GARIN5A: variants seen among roughly 807,000 people sequenced by gnomAD.
The protein encoded by GARIN5A is Golgi-associated RAB2 interactor protein 5A.
chr19:50,472,140 ATG>A, the GARIN5A span, among the ~76,000 whole-genome samples: 67 of 140,916 alleles, frequency 4.8e-4, no homozygotes, highest in African/African-American at 1.3e-3. Context: ...GTGTATATGT[ATG>A]TATACGTGTG....
chr19:50,472,818 C>T, the GARIN5A span, among the ~76,000 whole-genome samples: 5 of 151,894 alleles, frequency 3.3e-5, no homozygotes, highest in Admixed American at 3.3e-4. Context: ...ATCGCTTGCG[C>T]CTGCAGAGAA....
At chr19:50,475,893 G>T in the GARIN5A span, 2 of 1,614,044 alleles carry the variant, frequency 1.2e-6, no homozygotes, top group Non-Finnish European at 1.7e-6. Flanking sequence ...CGCCGCTCTG[G>T]AGGTAGCGTT....
the GARIN5A span, among the ~76,000 whole-genome samples, chr19:50,472,010 A>ATACGTGTGTATATGTATATG: frequency 6.7e-6 from 1 of 149,414 alleles, no homozygotes; most frequent in South Asian, 2.1e-4. Context: ...GTATGTATAT[A>ATACGTGTGTATATGTATATG]TACGTGTGTA....
At chr19:50,468,065 A>C in the GARIN5A span, among the ~76,000 whole-genome samples, 10 of 152,196 alleles carry the variant, frequency 6.6e-5, no homozygotes, top group Non-Finnish European at 1.2e-4. Flanking sequence ...TGCCTACTTG[A>C]AATTTCCATC....
the GARIN5A span, among the ~76,000 whole-genome samples, chr19:50,472,180 ATG>A: frequency 2.8e-5 from 4 of 143,968 alleles, no homozygotes; most frequent in South Asian, 2.1e-4. Flanking sequence ...GTGTATATGT[ATG>A]TATACATGTA....
At chr19:50,472,252 C>T in the GARIN5A span, among the ~76,000 whole-genome samples, 2 of 95,760 alleles carry the variant, frequency 2.1e-5, no homozygotes, top group Non-Finnish European at 3.8e-5. Flanking sequence ...ATTATATATA[C>T]ATGTATGTGT....
the GARIN5A span, chr19:50,475,616 T>C: frequency 1.3e-6 from 1 of 748,912 alleles, no homozygotes; most frequent in Non-Finnish European, 2.1e-6. Context: ...AAGAATCATA[T>C]GGGTGTGAAG....
chr19:50,475,296 G>A, the GARIN5A span: 1 of 1,551,864 alleles, frequency 6.4e-7, no homozygotes, highest in Non-Finnish European at 8.7e-7. Context: ...GAGGGAGGAA[G>A]GGGTCTCGGC....
the GARIN5A span, chr19:50,467,730 C>G: frequency 6.2e-7 from 1 of 1,605,744 alleles, no homozygotes; most frequent in Non-Finnish European, 8.5e-7. Context: ...GTGGGGCCCG[C>G]AGCTGCAAGT....
the GARIN5A span, chr19:50,475,459 G>T: frequency 6.2e-7 from 1 of 1,602,136 alleles, no homozygotes; most frequent in Non-Finnish European, 8.5e-7. Context: ...GAGTCACCTG[G>T]GGCCAGAGGT....
the GARIN5A span, chr19:50,475,718 T>C: frequency 7.7e-6 from 6 of 783,772 alleles, no homozygotes; most frequent in South Asian, 1.5e-5. Context: ...ACATAGGAGT[T>C]GGGAGTCGGG....
chr19:50,473,938 G>A, the GARIN5A span, among the ~76,000 whole-genome samples: 1 of 152,026 alleles, frequency 6.6e-6, no homozygotes, highest in Non-Finnish European at 1.5e-5. Flanking sequence ...AGTGAGCCGA[G>A]GTTGTGCCAC....
the GARIN5A span, among the ~76,000 whole-genome samples, chr19:50,472,885 T>G: frequency 2.6e-5 from 4 of 151,654 alleles, no homozygotes; most frequent in South Asian, 8.3e-4. Flanking sequence ...ATTAAATGAA[T>G]GAATGAATAA....
the GARIN5A span, chr19:50,476,455 G>A: frequency 6.4e-7 from 1 of 1,563,216 alleles, no homozygotes. Context: ...CAGCGCAGGC[G>A]CACGGGCGTC....
At chr19:50,475,798 G>A in the GARIN5A span, 4 of 1,485,724 alleles carry the variant, frequency 2.7e-6, no homozygotes, top group African/African-American at 1.4e-5. Context: ...GGGGCAGGCC[G>A]AGGCTGGGGA....
the GARIN5A span, among the ~76,000 whole-genome samples, chr19:50,471,612 G>A: frequency 6.6e-6 from 1 of 151,960 alleles, no homozygotes; most frequent in Non-Finnish European, 1.5e-5. Context: ...ATATATATGT[G>A]TGTATATATA....
chr19:50,476,598 G>A, the GARIN5A span: 1 of 1,570,772 alleles, frequency 6.4e-7, no homozygotes, highest in Non-Finnish European at 8.6e-7. Context: ...TGCTGATGGC[G>A]GTAGCAGCGC....
At chr19:50,475,850 CA>C in the GARIN5A span, 1 of 1,613,718 alleles carries the variant, frequency 6.2e-7, no homozygotes, top group Non-Finnish European at 8.5e-7. Flanking sequence ...AAGTTGCTCT[CA>C]AAGATGGGGA....
chr19:50,476,574 G>C, the GARIN5A span: 5 of 1,575,046 alleles, frequency 3.2e-6, no homozygotes, highest in South Asian at 2.3e-5. Context: ...GGGCAACCCG[G>C]CTGCTCCTGC....
Sources: gnomAD v4.1 joint callset for allele counts (sites outside exome capture counted in the v4.1 genomes callset) on GRCh38, gnomAD v4.1.1 for gene constraint, MANE v1.5 for transcripts, NCBI Gene and HGNC (gene_info 2026-07-23, HGNC 2026-07-21) for gene names.